Variants in TPH2 observed in about 807,000 individuals in gnomAD.
The protein encoded by TPH2 is tryptophan hydroxylase 2, also known as tryptophan 5-hydroxylase 2.
In TPH2, 27 loss-of-function variants were observed where a neutral mutation model predicts 59.1. The observed-to-expected ratio is 0.46, with a 90% CI of 0.34 to 0.63. The LOEUF is 0.63. Ranked by LOEUF, TPH2 falls within the 30% of genes least tolerant of loss-of-function variation. The pLI is 0.01. For synonymous variants in TPH2, 220 were observed against 210.5 expected, an observed-to-expected ratio of 1.05 and a Z score of -0.39; for missense variants, 523 against 588.3, an observed-to-expected ratio of 0.89 and a Z score of 1.15.
intron 5 of TPH2, among the ~76,000 whole-genome samples, chr12:71,967,126 ATG>A (rs1400827978): frequency 6.6e-6 from 1 of 152,244 alleles, no homozygotes; most frequent in Non-Finnish European, 1.5e-5. Flanking sequence ...TGAGTCAAAA[ATG>A]TGTTTGTTAA....
chr12:72,017,042 A>C (rs1388446556), intron 8 of TPH2, among the ~76,000 whole-genome samples: 2 of 152,186 alleles, frequency 1.3e-5, no homozygotes, highest in Non-Finnish European at 2.9e-5. Flanking sequence ...ACATCTCTTT[A>C]ATTGTGACCT....
At chr12:72,016,424 C>T (rs1323234130) in intron 8 of TPH2, among the ~76,000 whole-genome samples, 3 of 151,972 alleles carry the variant, frequency 2.0e-5, no homozygotes, top group Admixed American at 6.6e-5. Flanking sequence ...TTGGAAGCTA[C>T]GTAACTAAGC....
In TPH2 at chr12:72,031,862, A is replaced by T; in HGVS notation, c.*167A>T. The stretch of plus-strand genomic sequence containing the variant: ...TCACTGTGTTAGTATATAAAGCACC[A>T]TAAGAAATCCAATGGCAGATAACCA... On this transcript the variant is annotated 3_prime_UTR_variant, in exon 11 of 11. Coordinates refer to ENST00000333850, the MANE Select transcript of TPH2 (RefSeq NM_173353.4). 1 of 757,142 alleles carries T rather than the reference A, an allele frequency of 1.3e-6. No homozygotes were observed. Among genetic ancestry groups the T allele is most frequent in the Non-Finnish European group, 2.2e-6 (1 of 447,664 alleles). The allele number at this position is 757,142 out of a possible 1,614,324, so 46.9% of individuals were successfully genotyped here. A position where few individuals can be genotyped will look rare whatever the true frequency, so the allele number is the denominator to read the frequency against.
intron 6 of TPH2, among the ~76,000 whole-genome samples, chr12:71,975,504 G>A (rs1348203964): frequency 1.3e-5 from 2 of 152,144 alleles, no homozygotes; most frequent in Non-Finnish European, 2.9e-5. Flanking sequence ...CCTGACCCAG[G>A]TTTCCAAGTT....
rs1219400818 is a variant in TPH2 at position 72,012,180 on chromosome 12, C to CAACAACAACAACAACAACAACAACAAT, written c.1069-10202_1069-10201insCAACAACAATAACAACAACAACAACAA. 5.4e-3 allele frequency among the ~76,000 whole-genome samples: 825 copies of CAACAACAACAACAACAACAACAACAAT among 151,998 alleles called. 37 individuals are homozygous for CAACAACAACAACAACAACAACAACAAT. The highest frequency in any genetic ancestry group is 0.05 in the Admixed American group (762 of 15,208). Reference sequence around the variant, plus strand: ...ATGATAGAGAGCAGGAATTCAACAACAACAACAACAACAACAATAACAACA... The same window carrying CAACAACAACAACAACAACAACAACAAT: ...ATGATAGAGAGCAGGAATTCAACAACAACAACAACAACAACAACAACAACAATAACAACAACAACAACAATAACAACA... On this transcript the variant is annotated intron_variant, in intron 8 of 10. Coordinates refer to ENST00000333850, the MANE Select transcript of TPH2 (RefSeq NM_173353.4).
chr12:71,991,640 T>C (rs1437798399), intron 7 of TPH2, among the ~76,000 whole-genome samples: 1 of 152,120 alleles, frequency 6.6e-6, no homozygotes, highest in Non-Finnish European at 1.5e-5. Flanking sequence ...TTAATTCCAA[T>C]ATTGGTGCAG....
At chr12:71,996,542 C>G (rs1216709938) in intron 8 of TPH2, among the ~76,000 whole-genome samples, 1 of 152,152 alleles carries the variant, frequency 6.6e-6, no homozygotes, top group African/African-American at 2.4e-5. Context: ...TTGAAATTTT[C>G]TGGTTTCAGT....
chr12:71,985,997 A>G (rs912854301), intron 7 of TPH2, among the ~76,000 whole-genome samples: 1 of 152,216 alleles, frequency 6.6e-6, no homozygotes, highest in Admixed American at 6.5e-5. Context: ...AGACCCAAAT[A>G]TGAACATGGC....
At position 72,017,952 on chromosome 12, in the gene TPH2, T is replaced by C. The variant is rs549439655; in HGVS notation, c.1069-4447T>C. 8.5e-5 allele frequency among the ~76,000 whole-genome samples: 13 copies of C among 152,302 alleles called. No homozygotes were observed. The South Asian group carries it at 2.7e-3, about 32-fold the overall frequency. On this transcript the variant is annotated intron_variant, in intron 8 of 10. Coordinates refer to ENST00000333850, the MANE Select transcript of TPH2 (RefSeq NM_173353.4). Reference sequence around the variant, plus strand: ...TGCATTCTGAGGTCTTCACCAGTATTGAAAACAGAAAGAGAAAAATTATCC... The same window carrying C: ...TGCATTCTGAGGTCTTCACCAGTATCGAAAACAGAAAGAGAAAAATTATCC...
chr12:71,947,610 G>A (rs1871230241), intron 4 of TPH2, among the ~76,000 whole-genome samples: 1 of 151,980 alleles, frequency 6.6e-6, no homozygotes, highest in African/African-American at 2.4e-5. Context: ...TTAACTGAGT[G>A]CCCTGTGTTT....
chr12:71,980,321 C>T (rs1257809763), intron 7 of TPH2, among the ~76,000 whole-genome samples: 2 of 152,080 alleles, frequency 1.3e-5, no homozygotes, highest in Non-Finnish European at 2.9e-5. Context: ...CTTGAATGCA[C>T]TTGTGGTTAA....
At chr12:72,013,057 A>G (rs1873142237) in intron 8 of TPH2, among the ~76,000 whole-genome samples, 1 of 152,166 alleles carries the variant, frequency 6.6e-6, no homozygotes, top group African/African-American at 2.4e-5. Flanking sequence ...AAAATCGCCT[A>G]TGTCGACATA....
In TPH2 at chr12:71,943,614, A is replaced by AT. The variant is rs1372754618; in HGVS notation, c.256-673dup. Among the ~76,000 whole-genome samples the AT allele has an allele frequency of 1.2e-4, 18 of 152,084 alleles. No homozygotes were observed. The East Asian group carries it at 1.5e-3, about 13-fold the overall frequency. ...ATCCCATTTAGGGGTTATTATCATT[A>AT]TTTTTTTACCTTTTTTTCACCCTCC... On this transcript the variant is annotated intron_variant, in intron 2 of 10. Transcript: ENST00000333850.
chr12:72,002,888 G>A (rs1269089250), intron 8 of TPH2, among the ~76,000 whole-genome samples: 3 of 151,818 alleles, frequency 2.0e-5, no homozygotes, highest in Non-Finnish European at 2.9e-5. Context: ...GGCTTTTGGT[G>A]GTCATGAATC....
chr12:71,951,175 C>T (rs1039023350), intron 5 of TPH2, among the ~76,000 whole-genome samples: 2 of 152,132 alleles, frequency 1.3e-5, no homozygotes, highest in Non-Finnish European at 2.9e-5. Context: ...CCCGCTAGCC[C>T]CATGTCCCAG....
intron 8 of TPH2, among the ~76,000 whole-genome samples, chr12:72,011,584 G>A (rs577892433): frequency 6.6e-6 from 1 of 152,280 alleles, no homozygotes; most frequent in East Asian, 1.9e-4. Context: ...CCATTCTCTA[G>A]CATTTTCCCT....
chr12:72,007,353 A>G (rs903800729), intron 8 of TPH2, among the ~76,000 whole-genome samples: 1 of 152,254 alleles, frequency 6.6e-6, no homozygotes, highest in African/African-American at 2.4e-5. Context: ...TGAATTCCTG[A>G]CTAAACTTGT....
Position 71,982,015 on chromosome 12 carries a change from A to ATTTTTTTTTTTTTT in TPH2, c.941+2932_941+2945dup, listed in dbSNP as rs781612841. ...TTTTTGTGGGTTTCATATCATTCGT[A>ATTTTTTTTTTTTTT]TTTTTTTTTTTTTTTTTAGACAGAG... is the stretch of plus-strand genomic sequence containing the variant. On this transcript the variant is annotated intron_variant, in intron 7 of 10. Coordinates refer to ENST00000333850, the MANE Select transcript of TPH2 (RefSeq NM_173353.4). Among the ~76,000 whole-genome samples, 43 of 60,500 alleles carry ATTTTTTTTTTTTTT rather than the reference A, an allele frequency of 7.1e-4. 10 individuals are homozygous for ATTTTTTTTTTTTTT. Among genetic ancestry groups the ATTTTTTTTTTTTTT allele is most frequent in the East Asian group, 2.6e-3 (6 of 2,326 alleles). 39.7% of individuals were successfully genotyped at this position (60,500 alleles called of 152,430 possible).
At chr12:72,015,892 T>C (rs984413062) in intron 8 of TPH2, among the ~76,000 whole-genome samples, 3 of 151,880 alleles carry the variant, frequency 2.0e-5, no homozygotes. Context: ...GTGGCTGGGG[T>C]CATGGGGAGC....
Sources: allele counts gnomAD v4.1 joint callset (sites outside exome capture counted in the v4.1 genomes callset), GRCh38; gene constraint gnomAD v4.1.1; transcripts MANE v1.5; gene names NCBI Gene and HGNC (gene_info 2026-07-23, HGNC 2026-07-21).